LARGE1: variants seen among roughly 807,000 people sequenced by gnomAD.
The protein encoded by LARGE1 is LARGE xylosyl- and glucuronyltransferase 1, also known as xylosyl- and glucuronyltransferase LARGE1.
LARGE1 carries 43 observed loss-of-function variants against 87.6 expected under a neutral mutation model. The observed-to-expected ratio is 0.49, with a 90% confidence interval of 0.38 to 0.63. The LOEUF (loss-of-function observed/expected upper bound fraction) is 0.63. LARGE1 is among the 30% of genes least tolerant of loss of function. LARGE1 has a pLI of 0.00. For synonymous variants in LARGE1, 434 were observed against 394.6 expected (o/e 1.10, Z -1.18); for missense variants, 802 against 1,000.2 (o/e 0.80, Z 2.67).
intron 5 of LARGE1, among the ~76,000 whole-genome samples, chr22:33,585,258 G>C (rs948752033): frequency 6.6e-6 from 1 of 152,142 alleles, no homozygotes; most frequent in African/African-American, 2.4e-5. Context: ...AAGGAGACGG[G>C]GGAGATTCTT....
At chr22:33,362,826 G>C (rs1238032294) in intron 9 of LARGE1, among the ~76,000 whole-genome samples, 1 of 149,748 alleles carries the variant, frequency 6.7e-6, no homozygotes, top group South Asian at 2.2e-4. Flanking sequence ...GACTAAAGGG[G>C]GGAAAATAGA....
chr22:33,356,435 G>A (rs1188289377), intron 9 of LARGE1, among the ~76,000 whole-genome samples: 1 of 152,170 alleles, frequency 6.6e-6, no homozygotes, highest in Non-Finnish European at 1.5e-5. Context: ...TTAACCTTAG[G>A]CAAGGTGTTT....
At chr22:33,066,802 C>G in the LARGE1 span, among the ~76,000 whole-genome samples, 1 of 152,084 alleles carries the variant, frequency 6.6e-6, no homozygotes, top group Non-Finnish European at 1.5e-5. Flanking sequence ...AAATTTGTAC[C>G]CTGTGTGTTG....
At chr22:33,334,778 C>T (rs934901445) in intron 10 of LARGE1, among the ~76,000 whole-genome samples, 1 of 152,242 alleles carries the variant, frequency 6.6e-6, no homozygotes, top group African/African-American at 2.4e-5. Flanking sequence ...TCTCTAAGAG[C>T]TGTTAAGCTT....
chr22:33,756,352 T>G (rs764601269), intron 2 of LARGE1, among the ~76,000 whole-genome samples: 2 of 152,140 alleles, frequency 1.3e-5, no homozygotes, highest in African/African-American at 2.4e-5. Context: ...TCCCAAAGCT[T>G]GTAAATCTGC....
intron 6 of LARGE1, among the ~76,000 whole-genome samples, chr22:33,545,863 C>T (rs2077348170): frequency 6.6e-6 from 1 of 152,182 alleles, no homozygotes; most frequent in Admixed American, 6.5e-5. Context: ...GGATTACAGG[C>T]GTGAGCCATG....
intron 3 of LARGE1, among the ~76,000 whole-genome samples, chr22:33,644,161 G>A (rs942916193): frequency 1.2e-4 from 19 of 152,056 alleles, no homozygotes; most frequent in African/African-American, 2.2e-4. Context: ...GAAAATCCTC[G>A]GTAAAATACC....
intron 4 of LARGE1, among the ~76,000 whole-genome samples, chr22:33,605,435 G>A (rs982756473): frequency 1.3e-5 from 2 of 152,170 alleles, no homozygotes; most frequent in Admixed American, 6.5e-5. Context: ...TGAAATGTAT[G>A]AGTGGGAATC....
At chr22:33,908,866 G>T (rs2065537108) in intron 1 of LARGE1, among the ~76,000 whole-genome samples, 1 of 152,166 alleles carries the variant, frequency 6.6e-6, no homozygotes, top group Admixed American at 6.5e-5. Flanking sequence ...AGGAAGCAAA[G>T]AAATTGGCTT....
chr22:33,308,725 C>G (rs551644014), intron 11 of LARGE1, among the ~76,000 whole-genome samples: 123 of 152,286 alleles, frequency 8.1e-4, no homozygotes, highest in African/African-American at 2.7e-3. Flanking sequence ...CGAAAAGCTA[C>G]CTAGTTTACG....
intron 3 of LARGE1, among the ~76,000 whole-genome samples, chr22:33,643,947 G>A (rs1327739801): frequency 1.3e-5 from 2 of 152,148 alleles, no homozygotes; most frequent in Non-Finnish European, 2.9e-5. Context: ...AAAAGCCCAG[G>A]ACCAGATGGA....
chr22:33,180,828 G>A (rs1402688770), intron 11 of LARGE1, among the ~76,000 whole-genome samples: 5 of 152,138 alleles, frequency 3.3e-5, no homozygotes, highest in Non-Finnish European at 7.3e-5. Flanking sequence ...TTACAAAAGG[G>A]CACATATTGT....
At chr22:33,170,292 C>T (rs1232992393) in intron 11 of LARGE1, among the ~76,000 whole-genome samples, 1 of 152,034 alleles carries the variant, frequency 6.6e-6, no homozygotes, top group African/African-American at 2.4e-5. Context: ...TCGCTTGAAC[C>T]CAGGAGATGG....
Position 33,604,462 on chromosome 22 carries a change from C to T in LARGE1, c.588G>A (p.Val196=). Reference sequence around the variant, plus strand: ...TGAGCTCGTCTGCATTGTAGAAGTCCACACGCACAGCGGGCACCATCCAGG... The same window carrying T: ...TGAGCTCGTCTGCATTGTAGAAGTCTACACGCACAGCGGGCACCATCCAGG... ...FQTWMVPAVR[V]DFYNADELKS... is the part of the protein sequence containing the mutation. Residue 196 remains valine (V), a synonymous_variant, in exon 5 of 15, where the codon GTG becomes GTA. Coordinates refer to ENST00000397394, the MANE Select transcript of LARGE1 (RefSeq NM_133642.5). 1.2e-6 allele frequency: 2 copies of T among 1,614,116 alleles called. No homozygotes were observed. The highest frequency in any genetic ancestry group is 3.3e-5 in the Admixed American group (2 of 60,024).
At chr22:33,399,132 G>A (rs1458338219) in intron 7 of LARGE1, among the ~76,000 whole-genome samples, 2 of 151,912 alleles carry the variant, frequency 1.3e-5, no homozygotes, top group Non-Finnish European at 2.9e-5. Context: ...CTCTCCCTCC[G>A]CTTCCCCCCG....
chr22:33,708,326 A>T (rs904128281), intron 2 of LARGE1, among the ~76,000 whole-genome samples: 13 of 152,084 alleles, frequency 8.5e-5, no homozygotes, highest in African/African-American at 2.9e-4. Context: ...GTCTATGGGG[A>T]AAAGACGCTC....
At chr22:33,837,944 G>A (rs2063156633) in intron 1 of LARGE1, among the ~76,000 whole-genome samples, 1 of 152,214 alleles carries the variant, frequency 6.6e-6, no homozygotes, top group Non-Finnish European at 1.5e-5. Flanking sequence ...AGGTGAGATA[G>A]TAAATCACGT....
chr22:33,312,438 C>CAAAAAAAAAAAAAAA (rs370832626), intron 11 of LARGE1, among the ~76,000 whole-genome samples: 1 of 56,392 alleles, frequency 1.8e-5, no homozygotes. Context: ...GACTCTGTCT[C>CAAAAAAAAAAAAAAA]AAAAAAAAAA....
intron 7 of LARGE1, among the ~76,000 whole-genome samples, chr22:33,398,133 C>T (rs2065811935): frequency 1.3e-5 from 2 of 151,990 alleles, no homozygotes; most frequent in Admixed American, 1.3e-4. Flanking sequence ...ACAGAGACCC[C>T]CTTCTCAAAG....
Sources: allele counts gnomAD v4.1 joint callset (sites outside exome capture counted in the v4.1 genomes callset), GRCh38; gene constraint gnomAD v4.1.1; transcripts MANE v1.5; gene names NCBI Gene and HGNC (gene_info 2026-07-23, HGNC 2026-07-21).